The following ZNF708 variants were observed in gnomAD, a reference collection of about 807,000 sequenced individuals.
The protein encoded by ZNF708 is zinc finger protein 708, also known as ZNF15, ZNF15L1.
In ZNF708, 44 loss-of-function variants were observed where a neutral mutation model predicts 47.0. The observed-to-expected ratio is 0.94, with a 90% CI of 0.74 to 1.20. ZNF708 has a LOEUF of 1.20. Among genes scored for constraint, ZNF708 ranks in the 50% most tolerant of loss-of-function variants. The pLI is 0.00. For synonymous variants in ZNF708, 184 were observed against 218.5 expected (o/e 0.84, Z 1.39); for missense variants, 557 against 656.0 (o/e 0.85, Z 1.65).
chr19:21,322,692 G>A (rs1326862988), intron 1 of ZNF708, among the ~76,000 whole-genome samples: 1 of 152,228 alleles, frequency 6.6e-6, no homozygotes, highest in Admixed American at 6.5e-5. Context: ...CCTGTGTACA[G>A]GAGAGCAGAG....
intron 1 of ZNF708, among the ~76,000 whole-genome samples, chr19:21,323,818 G>C (rs1973200963): frequency 6.6e-6 from 1 of 152,094 alleles, no homozygotes; most frequent in Non-Finnish European, 1.5e-5. Context: ...CTACAGAGGA[G>C]ACTCCCCAGA....
chr19:21,328,948 G>A (rs1192772904), intron 1 of ZNF708, among the ~76,000 whole-genome samples: 1 of 152,148 alleles, frequency 6.6e-6, no homozygotes, highest in African/African-American at 2.4e-5. Context: ...GAGGCGCGGC[G>A]CTGCCGGTGC....
intron 3 of ZNF708, among the ~76,000 whole-genome samples, chr19:21,307,787 T>C (rs1157954930): frequency 6.6e-6 from 1 of 152,126 alleles, no homozygotes; most frequent in East Asian, 1.9e-4. Flanking sequence ...GGCAGAAGAA[T>C]TAGTCAAAAA....
intron 1 of ZNF708, among the ~76,000 whole-genome samples, chr19:21,315,807 C>T (rs1223377580): frequency 6.6e-6 from 1 of 152,012 alleles, no homozygotes; most frequent in Non-Finnish European, 1.5e-5. Context: ...TTTATAGCTA[C>T]TTGTGGCAAT....
In ZNF708 at chr19:21,293,386, G is replaced by A. The variant is rs751129772; in HGVS notation, c.1580C>T (p.Thr527Ile). The change falls in exon 4 of 4, where the codon ACT becomes ATT. Residue 527 changes from threonine to isoleucine, a missense_variant. Physicochemically the swap from Thr to Ile is moderately conservative, Grantham distance 89. Coordinates refer to ENST00000356929, the MANE Select transcript of ZNF708 (RefSeq NM_021269.3). ...STLMKHKIIHTGEKPYKCEEC... is the reference protein window; with the variant it reads ...STLMKHKIIHIGEKPYKCEEC... The stretch of plus-strand genomic sequence containing the variant: ...TTCACATTTGTAGGGTTTCTCTCCA[G>A]TATGAATTATCTTATGTTTCATAAG... 32 of 1,613,562 alleles carry A rather than the reference G, an allele frequency of 2.0e-5. No individual in the cohort carries two copies. Among genetic ancestry groups the A allele is most frequent in the Non-Finnish European group, 2.7e-5 (32 of 1,179,876 alleles).
intron 1 of ZNF708, among the ~76,000 whole-genome samples, chr19:21,321,534 A>G (rs1276255467): frequency 1.3e-5 from 2 of 150,752 alleles, no homozygotes; most frequent in Admixed American, 1.3e-4. Context: ...GTGAGCCAAG[A>G]TCATGCCACT....
intron 1 of ZNF708, among the ~76,000 whole-genome samples, chr19:21,321,326 C>A (rs57299552): frequency 6.6e-6 from 1 of 151,928 alleles, no homozygotes; most frequent in Admixed American, 6.6e-5. Context: ...TTGTGGCTCA[C>A]GCCTGTATGC....
rs1475074232 is a variant in ZNF708, at chr19:21,304,056, G to C, written c.226+5190C>G. ...GACTGTATTAATTATTTTACCTACA[G>C]AGGAATACCTGAGAGTAGATAATTT... On this transcript the variant is annotated intron_variant, in intron 3 of 3. Transcript: ENST00000356929. 2.5e-4 allele frequency among the ~76,000 whole-genome samples: 38 copies of C among 152,078 alleles called. 1 individual carries two copies. The highest frequency in any genetic ancestry group is 2.5e-3 in the Admixed American group (38 of 15,252).
At chr19:21,316,020 G>A (rs989082946) in intron 1 of ZNF708, among the ~76,000 whole-genome samples, 1 of 142,368 alleles carries the variant, frequency 7.0e-6, no homozygotes, top group Non-Finnish European at 1.5e-5. Flanking sequence ...AGTGAGCCGA[G>A]TTCGTGCCAT....
intron 1 of ZNF708, among the ~76,000 whole-genome samples, chr19:21,320,090 C>T (rs1302966188): frequency 2.6e-5 from 4 of 151,930 alleles, no homozygotes; most frequent in African/African-American, 9.7e-5. Flanking sequence ...GCAGGAGAAT[C>T]GCTTGAACCT....
At chr19:21,316,421 C>T (rs186383378) in intron 1 of ZNF708, among the ~76,000 whole-genome samples, 15 of 152,062 alleles carry the variant, frequency 9.9e-5, no homozygotes, top group Admixed American at 2.6e-4. Context: ...CCAGTGGGCC[C>T]GGCAAAGTTT....
At position 21,298,945 on chromosome 19, in the gene ZNF708, G is replaced by A. The variant is rs182595722; in HGVS notation, c.227-4206C>T. Among the ~76,000 whole-genome samples, 672 of 152,244 alleles carry A rather than the reference G, an allele frequency of 4.4e-3. 2 individuals are homozygous for A. The highest frequency in any genetic ancestry group is 6.3e-3 in the Non-Finnish European group (431 of 68,016). On this transcript the variant is annotated intron_variant, in intron 3 of 3. Coordinates refer to ENST00000356929, the MANE Select transcript of ZNF708 (RefSeq NM_021269.3). ...ATCTTAACATTATGCAAAATGAAAC[G>A]AGCCAGTCACAAAAAGACAGAGATT...
chr19:21,329,321 A>AAGACG lies in ZNF708; in HGVS notation c.-114_-110dup. The AAGACG allele has an allele frequency of 6.5e-7, 1 of 1,531,078 alleles. No homozygotes were observed. The highest frequency in any genetic ancestry group is 1.4e-5 in the African/African-American group (1 of 72,932). 94.8% of individuals were successfully genotyped at this position (1,531,078 alleles called of 1,614,324 possible). On this transcript the variant is annotated 5_prime_UTR_variant, in exon 1 of 4. Transcript: ENST00000356929. The stretch of plus-strand genomic sequence containing the variant: ...TAGGAGCAGAGGACAAACAGCAGTG[A>AAGACG]AGACGAGACCGGAGCTCCGGCTGCA...
At chr19:21,328,813 G>A (rs1239982164) in intron 1 of ZNF708, among the ~76,000 whole-genome samples, 1 of 152,190 alleles carries the variant, frequency 6.6e-6, no homozygotes, top group Non-Finnish European at 1.5e-5. Flanking sequence ...GACTGCCACA[G>A]ATTTTTAATA....
Position 21,329,257 on chromosome 19 carries a change from C to G in ZNF708, c.-45G>C. ...CCTGGAGTCTTAGCTGTGGATCTCC[C>G]AATACCTGCAGGTCACAGAGCCACA... On this transcript the variant is annotated 5_prime_UTR_variant, in exon 1 of 4. Transcript: ENST00000356929. 6.2e-7 allele frequency: 1 copy of G among 1,609,122 alleles called. No homozygotes were observed. The highest frequency in any genetic ancestry group is 8.5e-7 in the Non-Finnish European group (1 of 1,176,668).
In ZNF708 at chr19:21,293,696, C is replaced by T; in HGVS notation, c.1270G>A (p.Glu424Lys). The change falls in exon 4 of 4, where the codon GAA becomes AAA. Residue 424 changes from glutamate (E) to lysine (K), a missense_variant. Transcript: ENST00000356929. ...HTGKKPYKCE[E>K]CGKAFSIFSI... The stretch of plus-strand genomic sequence containing the variant: ...AATATACTAAAGGCTTTACCACATT[C>T]TTCACATTTGTAGGGTTTCTTTCCA... The T allele has an allele frequency of 6.2e-7, 1 of 1,612,962 alleles. No homozygotes were observed. Among genetic ancestry groups the T allele is most frequent in the Non-Finnish European group, 8.5e-7 (1 of 1,179,664 alleles).
intron 1 of ZNF708, among the ~76,000 whole-genome samples, chr19:21,328,956 T>C (rs1973316427): frequency 2.0e-5 from 3 of 152,132 alleles, no homozygotes; most frequent in Non-Finnish European, 4.4e-5. Flanking sequence ...GCGCTGCCGG[T>C]GCAGAGCCGC....
chr19:21,302,682 G>C (rs1349765513), intron 3 of ZNF708, among the ~76,000 whole-genome samples: 1 of 151,774 alleles, frequency 6.6e-6, no homozygotes, highest in Non-Finnish European at 1.5e-5. Context: ...CTGGGTGACA[G>C]AGCAAGACTG....
intron 3 of ZNF708, among the ~76,000 whole-genome samples, chr19:21,305,745 G>A (rs1047161181): frequency 6.6e-6 from 1 of 152,136 alleles, no homozygotes; most frequent in Admixed American, 6.5e-5. Context: ...ACAAGCGTGA[G>A]CCACCGGGCC....
Sources: allele counts gnomAD v4.1 joint callset (sites outside exome capture counted in the v4.1 genomes callset), GRCh38; gene constraint gnomAD v4.1.1; transcripts MANE v1.5; gene names NCBI Gene and HGNC (gene_info 2026-07-23, HGNC 2026-07-21).